Variants in BBS9 observed in about 807,000 individuals in gnomAD.
BBS9 encodes Bardet-Biedl syndrome 9.
A neutral mutation model predicts 117.7 loss-of-function variants in BBS9; 89 were observed. The ratio of observed to expected loss-of-function variants is 0.76; its 90% confidence interval spans 0.64 to 0.90. The LOEUF is 0.90. Ranked by LOEUF, BBS9 falls within the 40% of genes least tolerant of loss-of-function variation. BBS9 has a pLI of 0.00. For synonymous variants in BBS9, 379 were observed against 370.9 expected (o/e 1.02, Z -0.25); for missense variants, 982 against 1,042.2 (o/e 0.94, Z 0.80).
chr7:33,166,776 G>A (rs539022354), intron 4 of BBS9, among the ~76,000 whole-genome samples: 3 of 152,200 alleles, frequency 2.0e-5, no homozygotes, highest in African/African-American at 7.2e-5. Flanking sequence ...GTTTTTCCAC[G>A]TACAGTCTGT....
rs145973825 is a variant in BBS9, at chr7:33,370,349, A to G, written c.1789+2487A>G. Reference sequence around the variant, plus strand: ...GCCAGTTGTGGTGGCACATGAATGTAGTCCCAGCTATTCTGGAAGCTGAGG... The same window carrying G: ...GCCAGTTGTGGTGGCACATGAATGTGGTCCCAGCTATTCTGGAAGCTGAGG... On this transcript the variant is annotated intron_variant, in intron 17 of 22. Transcript: ENST00000242067. 4.1e-4 allele frequency among the ~76,000 whole-genome samples: 63 copies of G among 152,148 alleles called. 1 individual carries two copies. The highest frequency in any genetic ancestry group is 1.4e-3 in the African/African-American group (60 of 41,524).
intron 5 of BBS9, among the ~76,000 whole-genome samples, chr7:33,198,917 T>C (rs1164687098): frequency 6.6e-6 from 1 of 152,020 alleles, no homozygotes; most frequent in African/African-American, 2.4e-5. Flanking sequence ...TTAGGAACAG[T>C]GCCTAGCACT....
intron 16 of BBS9, among the ~76,000 whole-genome samples, chr7:33,366,197 A>T (rs1484034993): frequency 6.6e-6 from 1 of 152,192 alleles, no homozygotes; most frequent in Non-Finnish European, 1.5e-5. Flanking sequence ...TGGTTACCTC[A>T]GTGGCAAAAG....
At chr7:33,228,233 ATGT>A (rs542030663) in intron 5 of BBS9, among the ~76,000 whole-genome samples, 1 of 152,190 alleles carries the variant, frequency 6.6e-6, no homozygotes, top group East Asian at 1.9e-4. Context: ...ATAATCAGTG[ATGT>A]TGAGCATTTT....
chr7:33,631,703 A>G (rs1307866356), intron 21 of BBS9, among the ~76,000 whole-genome samples: 1 of 152,120 alleles, frequency 6.6e-6, no homozygotes, highest in Non-Finnish European at 1.5e-5. Context: ...ATGCAAACCA[A>G]ATTCCAGCTC....
At chr7:33,593,602 A>G (rs1241285690) in intron 21 of BBS9, among the ~76,000 whole-genome samples, 1 of 152,144 alleles carries the variant, frequency 6.6e-6, no homozygotes, top group African/African-American at 2.4e-5. Context: ...CCTTCTCACC[A>G]TATCAGAAGA....
intron 5 of BBS9, among the ~76,000 whole-genome samples, chr7:33,195,476 C>G (rs554680953): frequency 2.9e-4 from 44 of 151,974 alleles, no homozygotes; most frequent in African/African-American, 1.0e-3. Flanking sequence ...CTGGGTTCAC[C>G]CTTAGTCACA....
chr7:33,205,122 GATCA>G (rs1282208862), intron 5 of BBS9, among the ~76,000 whole-genome samples: 1 of 152,142 alleles, frequency 6.6e-6, no homozygotes, highest in Non-Finnish European at 1.5e-5. Context: ...TAGAAATAAG[GATCA>G]ATCATTCTTT....
intron 19 of BBS9, among the ~76,000 whole-genome samples, chr7:33,442,806 T>C (rs534922786): frequency 6.6e-6 from 1 of 152,332 alleles, no homozygotes; most frequent in African/African-American, 2.4e-5. Flanking sequence ...ATTTCTTTAG[T>C]TAACCCAGGT....
chr7:33,600,992 G>A (rs1863708341), intron 21 of BBS9, among the ~76,000 whole-genome samples: 3 of 152,172 alleles, frequency 2.0e-5, no homozygotes, highest in Admixed American at 6.5e-5. Context: ...CTTCCTTGGA[G>A]GTGAGGAGGC....
At chr7:33,459,398 G>A (rs2128930804) in intron 19 of BBS9, among the ~76,000 whole-genome samples, 1 of 152,022 alleles carries the variant, frequency 6.6e-6, no homozygotes, top group South Asian at 2.1e-4. Flanking sequence ...GTAAGTAGAG[G>A]CCAGTGATGT....
At chr7:33,234,107 G>A (rs561742241) in intron 5 of BBS9, among the ~76,000 whole-genome samples, 1 of 152,178 alleles carries the variant, frequency 6.6e-6, no homozygotes, top group East Asian at 1.9e-4. Flanking sequence ...GACTGTGGTG[G>A]TGATCACAGT....
At chr7:33,329,584 TC>T (rs1813562678) in intron 9 of BBS9, among the ~76,000 whole-genome samples, 1 of 148,746 alleles carries the variant, frequency 6.7e-6, no homozygotes, top group Admixed American at 6.6e-5. Flanking sequence ...TAAAAAATAT[TC>T]CCCCCCTATC....
Position 33,405,630 on chromosome 7 carries a change from G to A in BBS9, c.2115+17486G>A, listed in dbSNP as rs374501985. Among the ~76,000 whole-genome samples, 99 of 152,168 alleles carry A rather than the reference G, an allele frequency of 6.5e-4. 1 individual carries two copies. The highest frequency in any genetic ancestry group is 2.7e-3 in the South Asian group (13 of 4,814). On this transcript the variant is annotated intron_variant, in intron 19 of 22. Coordinates refer to ENST00000242067, the MANE Select transcript of BBS9 (RefSeq NM_198428.3). The stretch of plus-strand genomic sequence containing the variant: ...CTTCTAGATTTTCTAGTTTATTTGC[G>A]TAGAGGTGTTTGTAGTATTCTCTGA...
At position 33,479,414 on chromosome 7, in the gene BBS9, A is replaced by G. The variant is rs574435078; in HGVS notation, c.2116-26049A>G. 2.0e-5 allele frequency among the ~76,000 whole-genome samples: 3 copies of G among 152,290 alleles called. No homozygotes were observed. In the East Asian group the frequency reaches 5.8e-4, roughly 29 times the overall value. On this transcript the variant is annotated intron_variant, in intron 19 of 22. Coordinates refer to ENST00000242067, the MANE Select transcript of BBS9 (RefSeq NM_198428.3). ...ACTTAGGATAATGGTCTCTAGCTAC[A>G]TCCATGTTGCTGCCAAGGACATTAT...
At chr7:33,379,127 C>T (rs1012269150) in intron 17 of BBS9, among the ~76,000 whole-genome samples, 1 of 152,206 alleles carries the variant, frequency 6.6e-6, no homozygotes, top group African/African-American at 2.4e-5. Context: ...CTACGTTCCT[C>T]GTCTGTGTTT....
At position 33,383,670 on chromosome 7, in the gene BBS9, A is replaced by G; in HGVS notation, c.1794A>G (p.Arg598=). 1 of 1,604,902 alleles carries G rather than the reference A, an allele frequency of 6.2e-7. No homozygotes were observed. Among genetic ancestry groups the G allele is most frequent in the Non-Finnish European group, 8.5e-7 (1 of 1,174,256 alleles). Residue 598 remains arginine, a synonymous_variant, in exon 18 of 23, where the codon CGA becomes CGG. Transcript: ENST00000242067. ...TCCTTAATTTTTTTCTCTCAGAACG[A>G]TATCGCATTCAGAGTGAACAATTTG... ...ITVLASKTSQ[R]YRIQSEQFED... is the part of the protein sequence containing the mutation.
Position 33,597,872 on chromosome 7 carries a change from C to CAA in BBS9, c.2522-6979_2522-6978dup, listed in dbSNP as rs61054119. 6.0e-3 allele frequency among the ~76,000 whole-genome samples: 712 copies of CAA among 119,364 alleles called. 3 individuals are homozygous for CAA. The highest frequency in any genetic ancestry group is 0.02 in the African/African-American group (646 of 32,620). The allele number at this position is 119,364 out of a possible 152,430, so 78.3% of individuals were successfully genotyped here. A position where few individuals can be genotyped will look rare whatever the true frequency, so the allele number is the denominator to read the frequency against. ...AATGGTGCAGAAAGTGCATGTATACCAAAAAAAAAAAAAAACAAAACAAAA... is the reference window on the plus strand; with the variant it reads ...AATGGTGCAGAAAGTGCATGTATACCAAAAAAAAAAAAAAAAACAAAACAAAA... On this transcript the variant is annotated intron_variant, in intron 21 of 22. Coordinates refer to ENST00000242067, the MANE Select transcript of BBS9 (RefSeq NM_198428.3).
At chr7:33,278,437 A>T (rs1277918625) in intron 9 of BBS9, among the ~76,000 whole-genome samples, 1 of 152,208 alleles carries the variant, frequency 6.6e-6, no homozygotes, top group Non-Finnish European at 1.5e-5. Context: ...AGACTATAGG[A>T]TAATGAGTAG....
Sources: gnomAD v4.1 joint callset for allele counts (sites outside exome capture counted in the v4.1 genomes callset) on GRCh38, gnomAD v4.1.1 for gene constraint, MANE v1.5 for transcripts, NCBI Gene and HGNC (gene_info 2026-07-23, HGNC 2026-07-21) for gene names.